The following MAST3 variants were observed in gnomAD, a reference collection of about 807,000 sequenced individuals.
MAST3 encodes microtubule associated serine/threonine kinase 3.
In MAST3, 43 loss-of-function variants were observed where a neutral mutation model predicts 127.0. The ratio of observed to expected loss-of-function variants is 0.34; its 90% CI spans 0.27 to 0.44. The LOEUF is 0.44. Ranked by LOEUF, MAST3 falls within the 20% of genes least tolerant of loss-of-function variation. The probability of loss-of-function intolerance (pLI) is 1.00; values close to 1 mark genes in which losing one functional copy is unlikely to be tolerated. For missense variants in MAST3, 1,390 were observed against 1,919.1 expected, an observed-to-expected ratio of 0.72 and a Z score of 5.15; for synonymous variants, 785 against 809.2, an observed-to-expected ratio of 0.97 and a Z score of 0.51.
At chr19:18,099,075 G>A (rs777483149) in intron 1 of MAST3, 3 of 243,654 alleles carry the variant, frequency 1.2e-5, no homozygotes, top group Non-Finnish European at 2.6e-5. Context: ...AGCAGGTGGG[G>A]TGGGGGTCGG....
chr19:18,148,838 G>A (rs995807825), intron 27 of MAST3, among the ~76,000 whole-genome samples: 2 of 152,042 alleles, frequency 1.3e-5, no homozygotes, highest in Non-Finnish European at 2.9e-5. Flanking sequence ...GGGAGGTGAA[G>A]GTTGCAGTGA....
Position 18,143,778 on chromosome 19 carries a change from A to G in MAST3, c.2355A>G (p.Thr785=). The change falls in exon 22 of 28, where the codon ACA becomes ACG. Residue 785 remains threonine, a synonymous_variant. Coordinates refer to ENST00000687212, the MANE Select transcript of MAST3 (RefSeq NM_001393504.1). ...CTCCCTGCAGGCTGAGGTCCTGGACATCCTCTGGATCCTCCTGTCAGTCAT... is the reference window on the plus strand; with the variant it reads ...CTCCCTGCAGGCTGAGGTCCTGGACGTCCTCTGGATCCTCCTGTCAGTCAT... ...LSADIRLRSW[T]SSGSSCQSSS... 6.2e-7 allele frequency: 1 copy of G among 1,613,610 alleles called. No individual in the cohort carries two copies. Among genetic ancestry groups the G allele is most frequent in the Middle Eastern group, 1.6e-4 (1 of 6,062 alleles).
intron 14 of MAST3, 85 bp from the exon 15 acceptor site, chr19:18,131,824 A>T: frequency 1.4e-6 from 2 of 1,437,524 alleles, no homozygotes; most frequent in South Asian, 1.2e-5. Flanking sequence ...AGCGAGGAGG[A>T]TGCATAGGCA....
At position 18,144,639 on chromosome 19, in the gene MAST3, G is replaced by C; in HGVS notation, c.2758G>C (p.Gly920Arg). 6.2e-7 allele frequency: 1 copy of C among 1,611,230 alleles called. No individual in the cohort carries two copies. Among genetic ancestry groups the C allele is most frequent in the Non-Finnish European group, 8.5e-7 (1 of 1,179,832 alleles). Reference protein sequence around the residue: ...SSGGSGGGSGGRVPKSASVSA... With the variant: ...SSGGSGGGSGRRVPKSASVSA... ...CGGTGGCAGTGGTGGCGGCAGTGGG[G>C]GCCGCGTGCCCAAGTCAGCCTCTGT... The change falls in exon 23 of 28, where the codon GGC becomes CGC. Residue 920 changes from glycine to arginine, a missense_variant. Gly to Arg is a moderately radical substitution (Grantham distance 125, BLOSUM62 -2). This residue lies in a region of MAST3 where 816 missense variants were observed against 934.1 expected (regional missense o/e 0.87). Coordinates refer to ENST00000687212, the MANE Select transcript of MAST3 (RefSeq NM_001393504.1). This position sits in a 1 kb window ranked among gnomAD's most constrained non-coding sequence, Gnocchi z 4.0.
intron 6 of MAST3, 42 bp downstream of exon 6, chr19:18,122,793 G>A (rs976703490): frequency 1.1e-5 from 17 of 1,566,896 alleles, no homozygotes; most frequent in Admixed American, 3.6e-5. Context: ...GGCAGATGCC[G>A]GGTTGTGGGG....
intron 3 of MAST3, among the ~76,000 whole-genome samples, chr19:18,114,591 G>C (rs1368967704): frequency 6.6e-6 from 1 of 152,156 alleles, no homozygotes; most frequent in Admixed American, 6.6e-5. Flanking sequence ...TGTCTGTCCT[G>C]GTCATATCGT....
chr19:18,146,003 T>C, intron 25 of MAST3, 138 bp downstream of exon 25: 1 of 1,102,494 alleles, frequency 9.1e-7, no homozygotes, highest in Non-Finnish European at 1.2e-6. Flanking sequence ...TCCACTTCCT[T>C]CGGCCCAGAA....
chr19:18,149,091 G>A lies in MAST3; in HGVS notation c.3509-100G>A. ...ACCAGGCATGATGGGTGGCCACATG[G>A]AAGGATGTGGGCTTTAGCAGTTTTT... On this transcript the variant is annotated intron_variant, in intron 27 of 27. Transcript: ENST00000687212. This position sits in a 1 kb window ranked among gnomAD's most constrained non-coding sequence, Gnocchi z 5.9. 7.9e-7 allele frequency: 1 copy of A among 1,268,376 alleles called. No homozygotes were observed. The highest frequency in any genetic ancestry group is 1.8e-5 in the South Asian group (1 of 54,964). 78.6% of individuals were successfully genotyped at this position (1,268,376 alleles called of 1,614,324 possible). A position where few individuals can be genotyped will look rare whatever the true frequency, so the allele number is the denominator to read the frequency against.
chr19:18,102,126 C>T (rs1599645277), intron 1 of MAST3, among the ~76,000 whole-genome samples: 1 of 151,934 alleles, frequency 6.6e-6, no homozygotes, highest in South Asian at 2.1e-4. Context: ...GTGATCCTCC[C>T]ACCTCGGCCT....
rs755088343 is a variant in MAST3, at chr19:18,135,821, C to T, written c.1952C>T (p.Pro651Leu). The T allele has an allele frequency of 1.9e-6, 3 of 1,608,334 alleles. No homozygotes were observed. Among genetic ancestry groups the T allele is most frequent in the African/African-American group, 1.3e-5 (1 of 74,820 alleles). ...ATCACCAGGTTGCTCCGGCAGAGCC[C>T]GCTGGACCGTCTGGGCACTGGTATG... ...DLITRLLRQSPLDRLGTGGTH... is the reference protein window; with the variant it reads ...DLITRLLRQSLLDRLGTGGTH... The change falls in exon 18 of 28, where the codon CCG (proline) becomes CTG (leucine). Residue 651 changes from proline (P) to leucine (L), a missense_variant. Physicochemically the swap from Pro to Leu is moderately conservative, Grantham distance 98 (BLOSUM62 -3). This residue lies in a region of MAST3 where 191 missense variants were observed against 409.0 expected (regional missense o/e 0.47). Transcript: ENST00000687212.
At chr19:18,130,415 G>A in intron 13 of MAST3, 79 bp from the exon 14 acceptor site, 2 of 1,313,650 alleles carry the variant, frequency 1.5e-6, no homozygotes, top group South Asian at 2.6e-5. Context: ...GGCAGGTTGG[G>A]ATCTGGGCTC....
chr19:18,145,326 T>C lies in MAST3; in HGVS notation c.3039+97T>C. The C allele has an allele frequency of 8.4e-7, 1 of 1,186,302 alleles. No individual in the cohort carries two copies. The allele number at this position is 1,186,302 out of a possible 1,614,324, so 73.5% of individuals were successfully genotyped here. ...GCTGCATTTTGGAGCCTGGCAGGGTTAGGTAGATAGAGCTGGTGCCACCGA... is the reference window on the plus strand; with the variant it reads ...GCTGCATTTTGGAGCCTGGCAGGGTCAGGTAGATAGAGCTGGTGCCACCGA... On this transcript the variant is annotated intron_variant, in intron 24 of 27. Transcript: ENST00000687212. This position sits in a 1 kb window ranked among gnomAD's most constrained non-coding sequence, Gnocchi z 5.9.
chr19:18,149,753 CAA>C lies in MAST3; in HGVS notation c.*29_*30del. ...CCCCTGCCAGGTCTCTCCCTGGCATCAAAGTTACGCGTTTTCTTGTGCAATGT... is the reference window on the plus strand; with the variant it reads ...CCCCTGCCAGGTCTCTCCCTGGCATCAGTTACGCGTTTTCTTGTGCAATGT... On this transcript the variant is annotated 3_prime_UTR_variant, in exon 28 of 28. Transcript: ENST00000687212. This position sits in a 1 kb window ranked among gnomAD's most constrained non-coding sequence, Gnocchi z 5.9. The C allele has an allele frequency of 1.2e-6, 2 of 1,608,218 alleles. No individual in the cohort carries two copies. Among genetic ancestry groups the C allele is most frequent in the Non-Finnish European group, 8.5e-7 (1 of 1,178,956 alleles).
Position 18,144,954 on chromosome 19 carries a change from A to T in MAST3, c.2813-49A>T. ...GTTGTGGTGGGAAAGAGGGGGCCCCAGGGGAGACCTGTGAGGGAGTGAGTG... is the reference window on the plus strand; with the variant it reads ...GTTGTGGTGGGAAAGAGGGGGCCCCTGGGGAGACCTGTGAGGGAGTGAGTG... On this transcript the variant is annotated intron_variant, in intron 23 of 27. Transcript: ENST00000687212. This position sits in a 1 kb window ranked among gnomAD's most constrained non-coding sequence, Gnocchi z 4.0. 1 of 1,089,708 alleles carries T rather than the reference A, an allele frequency of 9.2e-7. No individual in the cohort carries two copies. The highest frequency in any genetic ancestry group is 1.4e-6 in the Non-Finnish European group (1 of 728,002). 67.5% of individuals were successfully genotyped at this position (1,089,708 alleles called of 1,614,324 possible).
chr19:18,122,796 T>C (rs1599746280), intron 6 of MAST3, 45 bp downstream of exon 6: 1 of 1,570,262 alleles, frequency 6.4e-7, no homozygotes. Flanking sequence ...AGATGCCGGG[T>C]TGTGGGGGGA....
intron 19 of MAST3, among the ~76,000 whole-genome samples, chr19:18,138,701 G>A (rs1298884639): frequency 6.6e-6 from 1 of 152,144 alleles, no homozygotes; most frequent in Non-Finnish European, 1.5e-5. Context: ...GTTTCACCAT[G>A]TTGGCCAGGC....
chr19:18,107,475 G>A (rs1568547538), intron 1 of MAST3, 112 bp from the exon 2 acceptor site: 1 of 1,081,926 alleles, frequency 9.2e-7, no homozygotes, highest in East Asian at 2.4e-5. Context: ...GAGTGAGCGG[G>A]AAAGATGCAT....
In MAST3 at chr19:18,137,475, G is replaced by A. The variant is rs191187185; in HGVS notation, c.2095+114G>A. On this transcript the variant is annotated intron_variant, in intron 19 of 27. Coordinates refer to ENST00000687212, the MANE Select transcript of MAST3 (RefSeq NM_001393504.1). The stretch of plus-strand genomic sequence containing the variant: ...ACCCGAGCTTGGCACCTCACCTTAG[G>A]CCTGGAGCTTCCGACTTCCTGAGCC... The A allele has an allele frequency of 3.3e-6, 4 of 1,202,764 alleles. No individual in the cohort carries two copies. The Admixed American group carries it at 9.1e-5, about 27-fold the overall frequency. The allele number at this position is 1,202,764 out of a possible 1,614,324, so 74.5% of individuals were successfully genotyped here.
At chr19:18,101,677 C>G (rs115635393) in intron 1 of MAST3, among the ~76,000 whole-genome samples, 1,651 of 152,200 alleles carry the variant, frequency 0.011, 36 homozygotes, top group African/African-American at 0.037. Context: ...GTCGCCCAGG[C>G]TGGAGTGCGG....
Sources: allele counts gnomAD v4.1 joint callset (sites outside exome capture counted in the v4.1 genomes callset), GRCh38; gene constraint gnomAD v4.1.1; regional missense constraint gnomAD v4.1.1; non-coding constraint Gnocchi (gnomAD v3.1); transcripts MANE v1.5; gene names NCBI Gene and HGNC (gene_info 2026-07-23, HGNC 2026-07-21).